Variants in FAM193A observed in about 807,000 individuals in gnomAD.
The protein encoded by FAM193A is protein FAM193A.
FAM193A carries 22 observed loss-of-function variants against 126.5 expected under a neutral mutation model. The observed-to-expected ratio is 0.17, with a 90% CI of 0.12 to 0.25. The LOEUF (loss-of-function observed/expected upper bound fraction) is 0.25. Ranked by LOEUF, FAM193A falls within the 10% of genes least tolerant of loss-of-function variation. FAM193A has a pLI of 1.00. For missense variants in FAM193A, 1,675 were observed against 1,672.8 expected (o/e 1.00, Z -0.02); for synonymous variants, 761 against 646.8 (o/e 1.18, Z -2.68).
intron 13 of FAM193A, among the ~76,000 whole-genome samples, chr4:2,687,127 C>T (rs192353710): frequency 5.1e-4 from 77 of 152,214 alleles, no homozygotes; most frequent in Middle Eastern, 3.4e-3. Context: ...AGTGGACTCG[C>T]TGAGCTGTCC....
rs756493892 is a variant in FAM193A at position 2,700,311 on chromosome 4, T to A, written c.4139T>A (p.Leu1380His). The A allele has an allele frequency of 2.5e-6, 4 of 1,613,908 alleles. No individual in the cohort carries two copies. Among genetic ancestry groups the A allele is most frequent in the Non-Finnish European group, 3.4e-6 (4 of 1,179,984 alleles). ...GAGTCAAAGGCTAAGGTGGTCGACC[T>A]CATGTCCATCACAGAGCAGAAAAGA... ...QTESKAKVVD[L>H]MSITEQKREE... Residue 1380 changes from leucine to histidine, a missense_variant, in exon 19 of 21, where the codon CTC (leucine) becomes CAC (histidine). Leu to His is a moderately conservative substitution (Grantham distance 99, BLOSUM62 -3). This residue lies in a region of FAM193A where 415 missense variants were observed against 396.7 expected (regional missense o/e 1.05). Transcript: ENST00000637812.
intron 1 of FAM193A, among the ~76,000 whole-genome samples, chr4:2,554,645 A>G (rs1176850927): frequency 6.6e-6 from 1 of 151,942 alleles, no homozygotes; most frequent in Admixed American, 6.6e-5. Flanking sequence ...TTTGTCTACT[A>G]GTTCTTTTGA....
In FAM193A at chr4:2,727,515, C is replaced by T. The variant is rs186273814; in HGVS notation, c.4455-4260C>T. ...AGTTCCTTAGAGCCACTACAGATTT[C>T]TTTCCTCAATGGATACCTTTAGCTT... On this transcript the variant is annotated intron_variant, in intron 20 of 20. Transcript: ENST00000637812. Among the ~76,000 whole-genome samples the T allele has an allele frequency of 9.2e-5, 14 of 152,348 alleles. 1 individual carries two copies. The highest frequency in any genetic ancestry group is 3.4e-4 in the African/African-American group (14 of 41,572).
intron 1 of FAM193A, among the ~76,000 whole-genome samples, chr4:2,549,878 C>A (rs1021348916): frequency 6.6e-6 from 1 of 151,432 alleles, no homozygotes; most frequent in African/African-American, 2.4e-5. Flanking sequence ...CAGGCATGCA[C>A]CACTGCACCT....
In FAM193A at chr4:2,659,687, G is replaced by A. The variant is rs1310659014; in HGVS notation, c.1502+17G>A. Reference sequence around the variant, plus strand: ...CAGGAGAAGGTAAGGCTGGGTTGTGGTGTCAGCACGACTGGCCCATTGGAC... The same window carrying A: ...CAGGAGAAGGTAAGGCTGGGTTGTGATGTCAGCACGACTGGCCCATTGGAC... On this transcript the variant is annotated intron_variant, in intron 9 of 20. Transcript: ENST00000637812. The A allele has an allele frequency of 1.2e-6, 2 of 1,612,616 alleles. No homozygotes were observed. Among genetic ancestry groups the A allele is most frequent in the South Asian group, 1.1e-5 (1 of 91,058 alleles).
At chr4:2,691,103 C>A in intron 15 of FAM193A, 133 bp downstream of exon 15, 1 of 739,366 alleles carries the variant, frequency 1.4e-6, no homozygotes, top group Non-Finnish European at 2.2e-6. Flanking sequence ...ATTAACTGCC[C>A]AAAAATGCTC....
chr4:2,723,410 A>G (rs548864220), intron 20 of FAM193A, among the ~76,000 whole-genome samples: 52 of 152,004 alleles, frequency 3.4e-4, no homozygotes, highest in African/African-American at 1.1e-3. Context: ...CCCCCTCTCT[A>G]CTGAAAATAC....
At chr4:2,539,454 T>C (rs1737087915) in intron 1 of FAM193A, among the ~76,000 whole-genome samples, 1 of 152,172 alleles carries the variant, frequency 6.6e-6, no homozygotes, top group Admixed American at 6.6e-5. Flanking sequence ...ACGGTCTCTC[T>C]CTGTTGCATA....
At chr4:2,713,598 ATTC>A (rs1719232758) in intron 19 of FAM193A, among the ~76,000 whole-genome samples, 1 of 151,920 alleles carries the variant, frequency 6.6e-6, no homozygotes, top group South Asian at 2.1e-4. Context: ...AGTGAATTCC[ATTC>A]TTTGTGTTTT....
At chr4:2,680,049 C>A (rs1365801813) in intron 13 of FAM193A, among the ~76,000 whole-genome samples, 1 of 151,596 alleles carries the variant, frequency 6.6e-6, no homozygotes, top group African/African-American at 2.4e-5. Flanking sequence ...TTAGTAGAGA[C>A]GGGGTTTTGC....
intron 10 of FAM193A, among the ~76,000 whole-genome samples, chr4:2,661,805 C>T (rs1341626353): frequency 1.3e-5 from 2 of 152,194 alleles, no homozygotes; most frequent in Non-Finnish European, 2.9e-5. Context: ...TCTTATTGCA[C>T]TGAGCTTAAA....
intron 20 of FAM193A, among the ~76,000 whole-genome samples, chr4:2,720,642 C>CT (rs1287919214): frequency 1.4e-5 from 2 of 138,514 alleles, no homozygotes; most frequent in African/African-American, 5.4e-5. Context: ...CAGTGAGACT[C>CT]TGTCTAAAAA....
chr4:2,623,095 C>T (rs937524279), intron 2 of FAM193A, among the ~76,000 whole-genome samples: 4 of 152,030 alleles, frequency 2.6e-5, no homozygotes, highest in African/African-American at 9.7e-5. Context: ...CCAGCAGGAC[C>T]TATTTGGGGT....
intron 19 of FAM193A, among the ~76,000 whole-genome samples, chr4:2,709,316 C>T (rs1287682135): frequency 6.6e-6 from 1 of 152,052 alleles, no homozygotes; most frequent in African/African-American, 2.4e-5. Flanking sequence ...ATATTTACAT[C>T]TATATTATTT....
chr4:2,669,209 C>A (rs138458141), intron 12 of FAM193A, among the ~76,000 whole-genome samples: 162 of 152,332 alleles, frequency 1.1e-3, no homozygotes, highest in African/African-American at 3.7e-3. Context: ...ATTTTAAATT[C>A]TGCCGAATTT....
intron 19 of FAM193A, among the ~76,000 whole-genome samples, chr4:2,702,637 G>A (rs559824916): frequency 6.6e-6 from 1 of 152,140 alleles, no homozygotes; most frequent in African/African-American, 2.4e-5. Context: ...TACAGTGAGC[G>A]TTCTCCCTTC....
intron 19 of FAM193A, chr4:2,715,629 G>C: frequency 2.0e-6 from 1 of 508,692 alleles, no homozygotes; most frequent in Non-Finnish European, 2.7e-6. Context: ...TGGCAGCTGT[G>C]CTCTGCCTGA....
At chr4:2,693,331 TA>T (rs112814355) in intron 15 of FAM193A, among the ~76,000 whole-genome samples, 7,169 of 152,188 alleles carry the variant, frequency 0.047, 535 homozygotes, top group African/African-American at 0.15. Flanking sequence ...AAATTTTTTT[TA>T]AAAAACCAAA....
intron 2 of FAM193A, among the ~76,000 whole-genome samples, chr4:2,622,273 A>G (rs573233434): frequency 2.0e-5 from 3 of 151,576 alleles, no homozygotes; most frequent in East Asian, 1.9e-4. Flanking sequence ...AAAAAAAAAA[A>G]AAAAAAAAAA....
Sources: allele counts gnomAD v4.1 joint callset (sites outside exome capture counted in the v4.1 genomes callset), GRCh38; gene constraint gnomAD v4.1.1; regional missense constraint gnomAD v4.1.1; transcripts MANE v1.5; gene names NCBI Gene and HGNC (gene_info 2026-07-23, HGNC 2026-07-21).